RGS12: variants seen among roughly 807,000 people sequenced by gnomAD.
RGS12 encodes regulator of G-protein signaling 12.
In RGS12, 66 loss-of-function variants were observed where a neutral mutation model predicts 120.1. The observed-to-expected ratio is 0.55, with a 90% CI of 0.45 to 0.67. The LOEUF (loss-of-function observed/expected upper bound fraction) is 0.67, where lower values mean the gene tolerates loss of function less well. Ranked by LOEUF, RGS12 falls within the 30% of genes least tolerant of loss-of-function variation. The pLI, the probability that RGS12 is intolerant of heterozygous loss-of-function variation, is 0.00. For missense variants in RGS12, 1,859 were observed against 1,957.7 expected, an observed-to-expected ratio of 0.95 and a Z score of 0.95; for synonymous variants, 827 against 804.7, an observed-to-expected ratio of 1.03 and a Z score of -0.47.
At chr4:3,437,788 C>G (rs1397005944) in intron 17 of RGS12, among the ~76,000 whole-genome samples, 1 of 152,202 alleles carries the variant, frequency 6.6e-6, no homozygotes, top group East Asian at 1.9e-4. Flanking sequence ...GCTGCTGCGT[C>G]GAGGCCAGGA....
chr4:3,379,441 G>A (rs2108934199), intron 3 of RGS12, among the ~76,000 whole-genome samples: 1 of 152,238 alleles, frequency 6.6e-6, no homozygotes, highest in Non-Finnish European at 1.5e-5. Flanking sequence ...ACTTGATTGT[G>A]ATAATCATAT....
rs747131973 is a variant in RGS12, at chr4:3,318,019, C to T, written c.1849C>T (p.Arg617Ter). 10 of 1,605,494 alleles carry T rather than the reference C, an allele frequency of 6.2e-6. No individual in the cohort carries two copies. The highest frequency in any genetic ancestry group is 1.4e-5 in the African/African-American group (1 of 73,628). ...AATGCAAAGCATTTTTGGTCCCCAT[C>T]GAAATGTTCGAAAGACTAAGGAAGA... ...FGMQSIFGPHRNVRKTKEDKK... is the reference protein window; with the variant it reads ...FGMQSIFGPH The change falls in exon 2 of 18, where the codon CGA becomes TGA. Residue 617 changes from arginine (R) to a stop codon, truncating the protein, a stop_gained. Coordinates refer to ENST00000336727, the MANE Select transcript of RGS12 (RefSeq NM_001394154.1). LOFTEE classifies it high-confidence loss of function.
At chr4:3,428,862 T>G in intron 16 of RGS12, 151 bp downstream of exon 16, 1 of 694,682 alleles carries the variant, frequency 1.4e-6, no homozygotes, top group Non-Finnish European at 2.4e-6. Flanking sequence ...GGGCAGTCTG[T>G]GGGCTGTTGG....
At chr4:3,439,042 G>C (rs1357638263) in intron 17 of RGS12, among the ~76,000 whole-genome samples, 1 of 152,034 alleles carries the variant, frequency 6.6e-6, no homozygotes, top group Non-Finnish European at 1.5e-5. Context: ...CTGAACCCTA[G>C]TGCTCAGCCC....
At chr4:3,392,392 C>T in intron 4 of RGS12, among the ~76,000 whole-genome samples, 1 of 151,964 alleles carries the variant, frequency 6.6e-6, no homozygotes, top group East Asian at 1.9e-4. Flanking sequence ...TCATTGTTTC[C>T]CACTTTTGAG....
At chr4:3,308,532 T>A (rs761484905) in intron 1 of RGS12, among the ~76,000 whole-genome samples, 2 of 152,158 alleles carry the variant, frequency 1.3e-5, no homozygotes, top group Non-Finnish European at 2.9e-5. Context: ...GAACAGCTGG[T>A]CTGTGGTGCT....
In RGS12 at chr4:3,372,356, C is replaced by T. The variant is rs1013033027; in HGVS notation, c.1999-14060C>T. On this transcript the variant is annotated intron_variant, in intron 3 of 17. Transcript: ENST00000336727. The surrounding 1 kb of genome is among the most constrained non-coding windows in gnomAD (Gnocchi z 4.3). ...TCACAGGGTCCTGGGTGGGACTTTC[C>T]GGGGCAGTTCCACCTCTCCTGTGAG... Among the ~76,000 whole-genome samples, 6 of 152,212 alleles carry T rather than the reference C, an allele frequency of 3.9e-5. No individual in the cohort carries two copies. Among genetic ancestry groups the T allele is most frequent in the Non-Finnish European group, 7.3e-5 (5 of 68,042 alleles).
At chr4:3,429,150 G>C (rs935014370) in intron 16 of RGS12, among the ~76,000 whole-genome samples, 5 of 152,198 alleles carry the variant, frequency 3.3e-5, no homozygotes, top group Non-Finnish European at 5.9e-5. Context: ...AAGGACCGTG[G>C]GCTTGCTGAG....
intron 16 of RGS12, among the ~76,000 whole-genome samples, chr4:3,429,553 G>C (rs1019470279): frequency 2.0e-5 from 3 of 152,226 alleles, no homozygotes; most frequent in Non-Finnish European, 4.4e-5. Flanking sequence ...GTTCCTTGTA[G>C]TTGTTAAAAA....
chr4:3,342,705 G>A (rs1713365894), intron 2 of RGS12: 2 of 770,806 alleles, frequency 2.6e-6, no homozygotes, highest in Non-Finnish European at 3.9e-6. Context: ...GAGGCACACA[G>A]TTGGCAGAGC....
At chr4:3,299,385 C>G (rs1451610493) in intron 1 of RGS12, among the ~76,000 whole-genome samples, 3 of 152,156 alleles carry the variant, frequency 2.0e-5, no homozygotes, top group Admixed American at 1.3e-4. Flanking sequence ...TACCTGTGCT[C>G]TAGCCATTTT....
intron 4 of RGS12, among the ~76,000 whole-genome samples, chr4:3,396,377 A>G (rs1307520725): frequency 6.6e-6 from 1 of 152,228 alleles, no homozygotes; most frequent in East Asian, 1.9e-4. Context: ...GCCCTTCCCA[A>G]GACCATGAAA....
chr4:3,304,314 G>A (rs944069215), intron 1 of RGS12, among the ~76,000 whole-genome samples: 1 of 152,168 alleles, frequency 6.6e-6, no homozygotes, highest in African/African-American at 2.4e-5. Flanking sequence ...CATAATGTTG[G>A]TGGCTGCTGA....
chr4:3,342,430 C>T (rs929132617), intron 2 of RGS12: 20 of 1,268,922 alleles, frequency 1.6e-5, no homozygotes, highest in Admixed American at 5.1e-5. Flanking sequence ...TTTCCTGCGC[C>T]GGAGTTGGTT....
intron 11 of RGS12, 50 bp from the exon 12 acceptor site, chr4:3,422,854 TG>T (rs755811887): frequency 2.6e-6 from 4 of 1,527,212 alleles, no homozygotes; most frequent in Non-Finnish European, 3.6e-6. Context: ...GGTCTGCGTT[TG>T]GGGGGCTGCC....
chr4:3,378,236 C>T (rs1717897533), intron 3 of RGS12: 1 of 152,118 alleles, frequency 6.6e-6, no homozygotes, highest in African/African-American at 2.4e-5. Context: ...ATGGGGTCCT[C>T]ATCGCACACC....
At chr4:3,314,153 A>G (rs1724583537) in intron 1 of RGS12, 1 of 151,942 alleles carries the variant, frequency 6.6e-6, no homozygotes, top group African/African-American at 2.4e-5. Flanking sequence ...TGTAATTTAT[A>G]TTCATTTTTT....
chr4:3,367,293 G>C (rs1404706433), intron 3 of RGS12, among the ~76,000 whole-genome samples: 1 of 152,276 alleles, frequency 6.6e-6, no homozygotes, highest in Non-Finnish European at 1.5e-5. Context: ...GGAGGGCTGA[G>C]AACGGCTCGC....
At chr4:3,309,697 A>G (rs112496574) in intron 1 of RGS12, among the ~76,000 whole-genome samples, 47 of 31,550 alleles carry the variant, frequency 1.5e-3, no homozygotes, top group African/African-American at 5.3e-3. Flanking sequence ...GGAACCGTGC[A>G]GGGGAGGAGC....
Sources: allele counts gnomAD v4.1 joint callset (sites outside exome capture counted in the v4.1 genomes callset), GRCh38; gene constraint gnomAD v4.1.1; non-coding constraint Gnocchi (gnomAD v3.1); transcripts MANE v1.5; gene names NCBI Gene and HGNC (gene_info 2026-07-23, HGNC 2026-07-21).